Variants in AHCTF1 observed in about 807,000 individuals in gnomAD.
The protein encoded by AHCTF1 is AT-hook containing transcription factor 1.
In AHCTF1, 24 loss-of-function variants were observed where a neutral mutation model predicts 248.4. That is an observed-to-expected ratio of 0.10 (90% CI 0.07 to 0.14). AHCTF1 has a LOEUF of 0.14. Ranked by LOEUF, AHCTF1 falls within the 10% of genes least tolerant of loss-of-function variation. The pLI, the probability that AHCTF1 is intolerant of heterozygous loss-of-function variation, is 1.00. For missense variants in AHCTF1, 2,206 were observed against 2,636.2 expected, an observed-to-expected ratio of 0.84 and a Z score of 3.57; for synonymous variants, 786 against 929.8, an observed-to-expected ratio of 0.85 and a Z score of 2.81.
chr1:246,922,988 A>G (rs1381354994), intron 1 of AHCTF1, among the ~76,000 whole-genome samples: 7 of 149,562 alleles, frequency 4.7e-5, no homozygotes, highest in South Asian at 2.1e-4. Flanking sequence ...GTCTCAAAAA[A>G]AAAAAAAAAA....
intron 1 of AHCTF1, chr1:246,931,304 CCA>C (rs1558292633): frequency 6.5e-7 from 1 of 1,547,186 alleles, no homozygotes; most frequent in Admixed American, 2.0e-5. Flanking sequence ...AGGACGCGAA[CCA>C]CCAGCGCCGC....
chr1:246,868,611 T>TA (rs36102148), intron 24 of AHCTF1, among the ~76,000 whole-genome samples: 22,109 of 132,526 alleles, frequency 0.17, 2,045 homozygotes, highest in African/African-American at 0.27. Context: ...TGGTAAGTGG[T>TA]AAAAAAAAAA....
rs1421909205 is a variant in AHCTF1 at position 246,840,629 on chromosome 1, T to C, written c.*177A>G. 7.8e-6 allele frequency: 3 copies of C among 386,128 alleles called. No homozygotes were observed. Among genetic ancestry groups the C allele is most frequent in the East Asian group, 4.3e-5 (1 of 23,386 alleles). 23.9% of individuals were successfully genotyped at this position (386,128 alleles called of 1,614,324 possible). On this transcript the variant is annotated 3_prime_UTR_variant, in exon 36 of 36. Coordinates refer to ENST00000648844, the MANE Select transcript of AHCTF1 (RefSeq NM_001323342.2). ...GAAGTCTTAATATAAAATAGAAAAATTGCCTGGACTGAAACAATCACTCCA... is the reference window on the plus strand; with the variant it reads ...GAAGTCTTAATATAAAATAGAAAAACTGCCTGGACTGAAACAATCACTCCA...
At chr1:246,886,298 T>G (rs1663814289) in intron 20 of AHCTF1, among the ~76,000 whole-genome samples, 1 of 151,878 alleles carries the variant, frequency 6.6e-6, no homozygotes, top group Non-Finnish European at 1.5e-5. Context: ...GCCACTGCAC[T>G]CCAGCCTGGG....
intron 8 of AHCTF1, among the ~76,000 whole-genome samples, chr1:246,902,311 G>T (rs979762951): frequency 6.6e-6 from 1 of 152,074 alleles, no homozygotes; most frequent in Non-Finnish European, 1.5e-5. Flanking sequence ...TAAAATAAAA[G>T]GGTCCTTCAT....
intron 1 of AHCTF1, among the ~76,000 whole-genome samples, chr1:246,928,259 C>T (rs1667091432): frequency 6.7e-6 from 1 of 148,320 alleles, no homozygotes. Flanking sequence ...GCCGACATCG[C>T]GCCACTGCAC....
At chr1:246,903,416 T>C (rs1405069516) in intron 7 of AHCTF1, among the ~76,000 whole-genome samples, 7 of 152,294 alleles carry the variant, frequency 4.6e-5, no homozygotes, top group South Asian at 4.1e-4. Context: ...AGTCCCCTCA[T>C]TGTAGAGGAA....
At chr1:246,881,646 G>A (rs1010462356) in intron 21 of AHCTF1, among the ~76,000 whole-genome samples, 1 of 151,930 alleles carries the variant, frequency 6.6e-6, no homozygotes, top group African/African-American at 2.4e-5. Flanking sequence ...AGACCAGCCT[G>A]ACCAACATGG....
chr1:246,926,581 C>A (rs552379009), intron 1 of AHCTF1, among the ~76,000 whole-genome samples: 1 of 152,208 alleles, frequency 6.6e-6, no homozygotes, highest in Non-Finnish European at 1.5e-5. Flanking sequence ...AGGGGCCAGG[C>A]GCGGTGGCTC....
At chr1:246,908,744 A>T (rs1304561416) in intron 4 of AHCTF1, among the ~76,000 whole-genome samples, 1 of 150,624 alleles carries the variant, frequency 6.6e-6, no homozygotes, top group Non-Finnish European at 1.5e-5. Context: ...AAAAAAAAAA[A>T]ATTAGCCGGG....
Position 246,849,820 on chromosome 1 carries a change from G to T in AHCTF1, c.6186C>A (p.His2062Gln). The T allele has an allele frequency of 6.2e-7, 1 of 1,613,964 alleles. No individual in the cohort carries two copies. Among genetic ancestry groups the T allele is most frequent in the East Asian group, 2.2e-5 (1 of 44,880 alleles). ...CATCTGTGCGTTCTTCTGATACTGA[G>T]TGCAATGAACGTTTTTGGCTTTGAC... is the stretch of plus-strand genomic sequence containing the variant. ...TESQSQKRSLHSVSEERTDEM... is the reference protein window; with the variant it reads ...TESQSQKRSLQSVSEERTDEM... The change falls in exon 33 of 36, where the codon CAC (histidine) becomes CAA (glutamine). Residue 2062 changes from histidine to glutamine, a missense_variant. Physicochemically the swap from His to Gln is conservative, Grantham distance 24. Transcript: ENST00000648844.
rs1404956657 is a variant in AHCTF1, at chr1:246,913,985, A to G, written c.376-573T>C. On this transcript the variant is annotated intron_variant, in intron 3 of 35. Transcript: ENST00000648844. The stretch of plus-strand genomic sequence containing the variant: ...ATACCTTAAAGACTGAAGAGGTCTA[A>G]CCTTCTTTCTATTGGACTTCATATA... 2.0e-5 allele frequency among the ~76,000 whole-genome samples: 3 copies of G among 152,224 alleles called. No individual in the cohort carries two copies. In the East Asian group the frequency reaches 5.8e-4, roughly 29 times the overall value.
rs186829124 is a variant in AHCTF1, at chr1:246,926,781, G to A, written c.-8+4797C>T. Among the ~76,000 whole-genome samples, 20 of 152,224 alleles carry A rather than the reference G, an allele frequency of 1.3e-4. 1 individual carries two copies. Among genetic ancestry groups the A allele is most frequent in the Admixed American group, 1.1e-3 (17 of 15,292 alleles). The stretch of plus-strand genomic sequence containing the variant: ...TGAGGCAGGAGAATCACTTGAACCC[G>A]GGAGGCGGAGATTGCAGTCAGCCGA... On this transcript the variant is annotated intron_variant, in intron 1 of 35. Transcript: ENST00000648844.
intron 3 of AHCTF1, among the ~76,000 whole-genome samples, 189 bp from the exon 4 acceptor site, chr1:246,913,601 A>G (rs909106381): frequency 6.6e-6 from 1 of 152,246 alleles, no homozygotes; most frequent in Non-Finnish European, 1.5e-5. Context: ...ATTACTCAAT[A>G]CATAGAAAAA....
At chr1:246,858,799 CA>C (rs112857397) in intron 29 of AHCTF1, among the ~76,000 whole-genome samples, 268 of 130,008 alleles carry the variant, frequency 2.1e-3, no homozygotes, top group African/African-American at 1.8e-3. Flanking sequence ...AACTCTGTCT[CA>C]AAAAAAAAAA....
chr1:246,900,250 A>C lies in AHCTF1; in HGVS notation c.1251-4T>G, dbSNP rs771365960. The C allele has an allele frequency of 6.3e-7, 1 of 1,585,860 alleles. No individual in the cohort carries two copies. The highest frequency in any genetic ancestry group is 8.5e-7 in the Non-Finnish European group (1 of 1,171,306). On this transcript the variant is annotated splice_polypyrimidine_tract_variant and splice_region_variant and intron_variant, in intron 9 of 35. Transcript: ENST00000648844. Reference sequence around the variant, plus strand: ...ATTATGTAGATATTCTCCTGACCTAAAAGAAAATTTAAAACATTACTAAGT... The same window carrying C: ...ATTATGTAGATATTCTCCTGACCTACAAGAAAATTTAAAACATTACTAAGT...
At chr1:246,868,340 TG>T (rs1374475801) in intron 24 of AHCTF1, among the ~76,000 whole-genome samples, 1 of 143,782 alleles carries the variant, frequency 7.0e-6, no homozygotes, top group Non-Finnish European at 1.5e-5. Context: ...AGGCTGGTCT[TG>T]AACTCCTGAC....
chr1:246,860,538 A>G (rs1661459257), intron 29 of AHCTF1, among the ~76,000 whole-genome samples: 1 of 152,194 alleles, frequency 6.6e-6, no homozygotes, highest in African/African-American at 2.4e-5. Flanking sequence ...TACTGTGAGC[A>G]TATAATATTT....
intron 29 of AHCTF1, 72 bp from the exon 30 acceptor site, chr1:246,857,886 C>T: frequency 2.1e-6 from 3 of 1,424,938 alleles, no homozygotes; most frequent in Non-Finnish European, 1.9e-6. Flanking sequence ...TGCATTATTA[C>T]TTTTTAAAAA....
Sources: gnomAD v4.1 joint callset for allele counts (sites outside exome capture counted in the v4.1 genomes callset) on GRCh38, gnomAD v4.1.1 for gene constraint, MANE v1.5 for transcripts, NCBI Gene and HGNC (gene_info 2026-07-23, HGNC 2026-07-21) for gene names.